The following PDLIM5 variants were observed in gnomAD, a reference collection of about 807,000 sequenced individuals.
PDLIM5 encodes the protein PDZ and LIM domain protein 5.
A neutral mutation model predicts 64.2 loss-of-function variants in PDLIM5; 34 were observed. The ratio of observed to expected loss-of-function variants is 0.53; its 90% CI spans 0.40 to 0.71. The LOEUF is 0.71. Among genes scored for constraint, PDLIM5 ranks in the 30% least tolerant of loss-of-function variants. The pLI is 0.00. For synonymous variants in PDLIM5, 253 were observed against 269.1 expected (o/e 0.94, Z 0.59); for missense variants, 683 against 733.6 (o/e 0.93, Z 0.80).
intron 7 of PDLIM5, among the ~76,000 whole-genome samples, chr4:94,609,224 G>T (rs548899455): frequency 6.6e-6 from 1 of 152,184 alleles, no homozygotes; most frequent in Admixed American, 6.5e-5. Context: ...GAAAAAAGTG[G>T]TCATACTGTA....
At chr4:94,591,619 G>T (rs1057138870) in intron 7 of PDLIM5, among the ~76,000 whole-genome samples, 1 of 152,172 alleles carries the variant, frequency 6.6e-6, no homozygotes, top group Admixed American at 6.5e-5. Context: ...GGGAAGAGAG[G>T]GAAGTAAAAA....
At chr4:94,554,528 A>G (rs547677899) in intron 3 of PDLIM5, among the ~76,000 whole-genome samples, 1 of 152,310 alleles carries the variant, frequency 6.6e-6, no homozygotes, top group East Asian at 1.9e-4. Context: ...TTCAAAACAT[A>G]CTTCAGGAAG....
chr4:94,505,473 G>C (rs1728308560), intron 2 of PDLIM5, among the ~76,000 whole-genome samples: 1 of 152,042 alleles, frequency 6.6e-6, no homozygotes, highest in African/African-American at 2.4e-5. Flanking sequence ...TATTGGCCAG[G>C]CTGATGTTGA....
chr4:94,626,092 G>GAA (rs1739671615), intron 8 of PDLIM5, among the ~76,000 whole-genome samples: 2 of 152,158 alleles, frequency 1.3e-5, no homozygotes, highest in Admixed American at 1.3e-4. Flanking sequence ...AAACGAAACG[G>GAA]GAAAAAACAC....
chr4:94,515,145 TAA>T (rs944344951), intron 2 of PDLIM5, among the ~76,000 whole-genome samples: 7 of 152,154 alleles, frequency 4.6e-5, no homozygotes, highest in African/African-American at 1.7e-4. Context: ...AATAGAAATA[TAA>T]GATACAGTTA....
intron 5 of PDLIM5, among the ~76,000 whole-genome samples, chr4:94,581,646 G>C (rs1051635754): frequency 1.3e-5 from 2 of 152,066 alleles, no homozygotes; most frequent in African/African-American, 2.4e-5. Context: ...CAGTCTTAGC[G>C]TTAAAACTGG....
intron 7 of PDLIM5, among the ~76,000 whole-genome samples, chr4:94,607,710 ATGGTAT>A (rs539385383): frequency 1.1e-3 from 161 of 152,276 alleles, no homozygotes; most frequent in Non-Finnish European, 1.4e-3. Flanking sequence ...TACTAGATGT[ATGGTAT>A]TGGGCAACTT....
chr4:94,516,977 G>A (rs1362259381), intron 2 of PDLIM5, among the ~76,000 whole-genome samples: 1 of 152,174 alleles, frequency 6.6e-6, no homozygotes, highest in Non-Finnish European at 1.5e-5. Flanking sequence ...AATGTTAAAT[G>A]CTGAAGTGTG....
intron 7 of PDLIM5, among the ~76,000 whole-genome samples, chr4:94,594,783 G>A (rs373929192): frequency 2.6e-5 from 4 of 152,140 alleles, no homozygotes; most frequent in Non-Finnish European, 5.9e-5. Context: ...TTAGCAAAAG[G>A]ATATCTAAAA....
intron 5 of PDLIM5, among the ~76,000 whole-genome samples, chr4:94,576,971 T>C (rs1735323247): frequency 6.6e-6 from 1 of 152,196 alleles, no homozygotes; most frequent in African/African-American, 2.4e-5. Context: ...TGAGAGGTTA[T>C]GTACAGTATC....
intron 3 of PDLIM5, among the ~76,000 whole-genome samples, chr4:94,543,114 A>T (rs1731972371): frequency 3.3e-5 from 5 of 152,124 alleles, no homozygotes; most frequent in Admixed American, 3.3e-4. Context: ...GTACGATACT[A>T]GTTTCCTGTG....
chr4:94,573,587 T>C, intron 4 of PDLIM5, 194 bp downstream of exon 4: 1 of 605,128 alleles, frequency 1.7e-6, no homozygotes, highest in Non-Finnish European at 3.0e-6. Flanking sequence ...TTATACATGT[T>C]ATAAAACATT....
intron 7 of PDLIM5, among the ~76,000 whole-genome samples, chr4:94,596,737 T>C (rs901897791): frequency 2.0e-5 from 3 of 148,706 alleles, no homozygotes; most frequent in Non-Finnish European, 4.5e-5. Context: ...TAGAATGATA[T>C]GATTTTATAA....
chr4:94,491,448 T>G (rs1726863720), intron 2 of PDLIM5, among the ~76,000 whole-genome samples: 1 of 152,140 alleles, frequency 6.6e-6, no homozygotes. Context: ...AAATTGAATA[T>G]TGAATAATCT....
chr4:94,460,442 C>T (rs569588129), intron 2 of PDLIM5, among the ~76,000 whole-genome samples: 12 of 151,804 alleles, frequency 7.9e-5, no homozygotes, highest in Admixed American at 2.0e-4. Flanking sequence ...TGGAGGAAAC[C>T]GATGTAGGGT....
At chr4:94,579,224 T>C (rs2110294887) in intron 5 of PDLIM5, 1 of 205,240 alleles carries the variant, frequency 4.9e-6, no homozygotes, top group East Asian at 1.0e-4. Flanking sequence ...CTGTTTTCTT[T>C]ACTACTCTCC....
chr4:94,454,675 A>G (rs1233716311), intron 1 of PDLIM5, among the ~76,000 whole-genome samples: 1 of 152,244 alleles, frequency 6.6e-6, no homozygotes, highest in Non-Finnish European at 1.5e-5. Context: ...ATAGGAGGAA[A>G]TACAAGTTGT....
rs149094443 is a variant in PDLIM5 at position 94,634,752 on chromosome 4, C to A, written c.1109-5524C>A. 5.7e-3 allele frequency among the ~76,000 whole-genome samples: 874 copies of A among 152,170 alleles called. 9 individuals carry two copies. The highest frequency in any genetic ancestry group is 0.02 in the African/African-American group (835 of 41,516). The stretch of plus-strand genomic sequence containing the variant: ...AGCTATTATGAACAGGAACAGAGAC[C>A]AAAAATATCAAATAACCCCCACTTT... On this transcript the variant is annotated intron_variant, in intron 8 of 12. Coordinates refer to ENST00000317968, the MANE Select transcript of PDLIM5 (RefSeq NM_006457.5).
intron 3 of PDLIM5, among the ~76,000 whole-genome samples, chr4:94,565,845 T>C (rs569039624): frequency 6.6e-6 from 1 of 152,310 alleles, no homozygotes; most frequent in Non-Finnish European, 1.5e-5. Context: ...ATGTGCATAT[T>C]GTACAGTCTG....
Sources: allele counts gnomAD v4.1 joint callset (sites outside exome capture counted in the v4.1 genomes callset), GRCh38; gene constraint gnomAD v4.1.1; transcripts MANE v1.5; gene names NCBI Gene and HGNC (gene_info 2026-07-23, HGNC 2026-07-21).